Variants in IDE observed in about 807,000 individuals in gnomAD.
IDE encodes insulin-degrading enzyme.
In IDE, 58 loss-of-function variants were observed where a neutral mutation model predicts 133.2. The ratio of observed to expected loss-of-function variants is 0.44; its 90% CI spans 0.35 to 0.54. IDE has a LOEUF of 0.54. IDE is among the 20% of genes least tolerant of loss of function. The pLI is 0.00. For synonymous variants in IDE, 396 were observed against 421.3 expected (o/e 0.94, Z 0.73); for missense variants, 981 against 1,234.0 (o/e 0.79, Z 3.07).
At chr10:92,509,917 T>C in intron 6 of IDE, 133 bp downstream of exon 6, 2 of 523,534 alleles carry the variant, frequency 3.8e-6, no homozygotes, top group Non-Finnish European at 6.6e-6. Context: ...CAAGACTCTG[T>C]TTCCAAAAAA....
chr10:92,490,459 A>T (rs1024967004), intron 12 of IDE, 34 bp downstream of exon 12: 1 of 1,290,328 alleles, frequency 7.7e-7, no homozygotes, highest in African/African-American at 1.5e-5. Context: ...GATTCCTCAC[A>T]TGTCAGGCTT....
At chr10:92,548,444 C>A (rs1842631006) in intron 1 of IDE, among the ~76,000 whole-genome samples, 1 of 148,480 alleles carries the variant, frequency 6.7e-6, no homozygotes, top group Non-Finnish European at 1.5e-5. Context: ...CCTATAGTTG[C>A]ATCACACTCA....
At chr10:92,493,546 C>T (rs547698168) in intron 11 of IDE, among the ~76,000 whole-genome samples, 47 of 148,570 alleles carry the variant, frequency 3.2e-4, no homozygotes, top group Middle Eastern at 3.4e-3. Flanking sequence ...GACTATCTGA[C>T]ACAGAAAGCA....
chr10:92,470,548 GA>G (rs1845912195), intron 17 of IDE, among the ~76,000 whole-genome samples: 1 of 152,058 alleles, frequency 6.6e-6, no homozygotes. Flanking sequence ...CTAAAGTACA[GA>G]CTTTATTTGG....
At chr10:92,509,932 A>AC (rs1290072811) in intron 6 of IDE, 118 bp downstream of exon 6, 1 of 559,264 alleles carries the variant, frequency 1.8e-6, no homozygotes, top group Non-Finnish European at 3.1e-6. Flanking sequence ...AAAAAAAAAA[A>AC]AAAAAAACAC....
At chr10:92,471,578 G>A (rs376970581) in intron 17 of IDE, among the ~76,000 whole-genome samples, 5 of 151,948 alleles carry the variant, frequency 3.3e-5, no homozygotes, top group African/African-American at 7.3e-5. Context: ...AGGCTCCCTC[G>A]GCACTCTCTG....
intron 19 of IDE, among the ~76,000 whole-genome samples, chr10:92,466,424 C>T (rs1186605627): frequency 6.6e-6 from 1 of 151,312 alleles, no homozygotes; most frequent in Non-Finnish European, 1.5e-5. Flanking sequence ...TCAAGCAATT[C>T]TCTTGCCTCA....
intron 1 of IDE, among the ~76,000 whole-genome samples, chr10:92,545,273 C>T (rs1417331059): frequency 6.6e-6 from 1 of 151,618 alleles, no homozygotes; most frequent in East Asian, 1.9e-4. Context: ...GAAAAAGAAA[C>T]AAAACACATA....
chr10:92,572,742 A>G (rs1217391365), intron 1 of IDE, among the ~76,000 whole-genome samples: 1 of 152,156 alleles, frequency 6.6e-6, no homozygotes, highest in East Asian at 1.9e-4. Flanking sequence ...CAACCAGACT[A>G]ATCGGCTCAC....
intron 1 of IDE, among the ~76,000 whole-genome samples, chr10:92,563,624 G>A (rs1342636835): frequency 6.6e-6 from 1 of 151,768 alleles, no homozygotes; most frequent in African/African-American, 2.4e-5. Flanking sequence ...GGTGGCACGC[G>A]CCTGTAGTCC....
chr10:92,511,680 C>T (rs1459160666), intron 5 of IDE, among the ~76,000 whole-genome samples: 2 of 129,930 alleles, frequency 1.5e-5, no homozygotes, highest in Non-Finnish European at 3.5e-5. Context: ...TAAAATATAC[C>T]TACTTTTGCC....
At chr10:92,524,439 A>T (rs71480822) in intron 4 of IDE, among the ~76,000 whole-genome samples, 1 of 30,192 alleles carries the variant, frequency 3.3e-5, no homozygotes, top group Non-Finnish European at 5.8e-5. Flanking sequence ...TATTTTATAT[A>T]ATATATTTTA....
At chr10:92,491,605 TTTTG>T (rs935418215) in intron 11 of IDE, among the ~76,000 whole-genome samples, 21 of 145,916 alleles carry the variant, frequency 1.4e-4, no homozygotes, top group Non-Finnish European at 4.5e-5. Context: ...CCTGGCTAAT[TTTTG>T]TTTTTGTTTT....
In IDE at chr10:92,514,976, T is replaced by C. The variant is rs1001191743; in HGVS notation, c.728A>G (p.Lys243Arg). The C allele has an allele frequency of 3.1e-6, 5 of 1,611,734 alleles. No individual in the cohort carries two copies. The highest frequency in any genetic ancestry group is 4.2e-6 in the Non-Finnish European group (5 of 1,178,046). ...EGIDVRQELL[K>R]FHSAYYSSNL... is the part of the protein sequence containing the mutation. Reference sequence around the variant, plus strand: ...GGATGAATAGTAAGCAGAATGGAATTTCAGTAGCTCTTGTCTTACATCAAT... The same window carrying C: ...GGATGAATAGTAAGCAGAATGGAATCTCAGTAGCTCTTGTCTTACATCAAT... Residue 243 changes from lysine to arginine, a missense_variant, in exon 5 of 25, where the codon AAA (lysine) becomes AGA (arginine). By Grantham distance (26) the Lys-to-Arg change is conservative (BLOSUM62 2). Transcript: ENST00000265986.
At position 92,507,596 on chromosome 10, in the gene IDE, T is replaced by C; in HGVS notation, c.1224A>G (p.Glu408=). 2 of 1,604,850 alleles carry C rather than the reference T, an allele frequency of 1.2e-6. No homozygotes were observed. The highest frequency in any genetic ancestry group is 1.7e-6 in the Non-Finnish European group (2 of 1,171,564). ...GTACCTTGCACTCTTGGAAAACCCATTCTTGAGGTCCTTCTGCACGTAACT... is the reference window on the plus strand; with the variant it reads ...GTACCTTGCACTCTTGGAAAACCCACTCTTGAGGTCCTTCTGCACGTAACT... ...IQKLRAEGPQ[E]WVFQECKDLN... The change falls in exon 9 of 25, where the codon GAA becomes GAG. Residue 408 remains glutamate, a synonymous_variant. Transcript: ENST00000265986.
intron 11 of IDE, among the ~76,000 whole-genome samples, chr10:92,498,002 C>T (rs1167175395): frequency 6.6e-6 from 1 of 152,136 alleles, no homozygotes; most frequent in East Asian, 1.9e-4. Context: ...AAAGCACATC[C>T]TTATTATATG....
intron 1 of IDE, among the ~76,000 whole-genome samples, chr10:92,560,072 C>T (rs973876483): frequency 6.6e-6 from 1 of 152,024 alleles, no homozygotes; most frequent in Admixed American, 6.5e-5. Context: ...TCATTGATTT[C>T]CTCTGCCCCT....
intron 22 of IDE, among the ~76,000 whole-genome samples, chr10:92,460,364 T>G (rs1047240324): frequency 1.3e-5 from 2 of 152,228 alleles, no homozygotes; most frequent in Non-Finnish European, 2.9e-5. Flanking sequence ...TCAAGTTCTT[T>G]TGTTTTCTTT....
intron 11 of IDE, among the ~76,000 whole-genome samples, chr10:92,491,175 C>T (rs1239208041): frequency 6.6e-6 from 1 of 151,630 alleles, no homozygotes; most frequent in Non-Finnish European, 1.5e-5. Flanking sequence ...GAGTTTGAGG[C>T]TGCAGTAGGC....
Sources: gnomAD v4.1 joint callset for allele counts (sites outside exome capture counted in the v4.1 genomes callset) on GRCh38, gnomAD v4.1.1 for gene constraint, MANE v1.5 for transcripts, NCBI Gene and HGNC (gene_info 2026-07-23, HGNC 2026-07-21) for gene names.